FLRT2: variants seen among roughly 807,000 people sequenced by gnomAD.
FLRT2 encodes fibronectin leucine rich transmembrane protein 2.
Under a neutral mutation model 40.0 loss-of-function variants are expected in FLRT2, and 15 were observed. That is an observed-to-expected ratio of 0.38 (90% CI 0.25 to 0.58). The LOEUF is 0.58. Ranked by LOEUF, FLRT2 falls within the 20% of genes least tolerant of loss-of-function variation. FLRT2 has a pLI of 0.71. For synonymous variants in FLRT2, 380 were observed against 336.8 expected, an observed-to-expected ratio of 1.13 and a Z score of -1.41; for missense variants, 726 against 840.0, an observed-to-expected ratio of 0.86 and a Z score of 1.68.
intron 1 of FLRT2, among the ~76,000 whole-genome samples, chr14:85,534,899 A>T (rs75387081): frequency 7.4e-6 from 1 of 134,832 alleles, no homozygotes; most frequent in Non-Finnish European, 1.5e-5. Flanking sequence ...GTTTGCTGCT[A>T]TCTTTATTAT....
In FLRT2 at chr14:85,652,956, A is replaced by G. The variant is rs180685106; in HGVS notation, c.*29459A>G. 6.6e-6 allele frequency: 1 copy of G among 152,296 alleles called. No homozygotes were observed. Among genetic ancestry groups the G allele is most frequent in the Admixed American group, 6.5e-5 (1 of 15,282 alleles). The allele number at this position is 152,296 out of a possible 1,614,324, so 9.4% of individuals were successfully genotyped here. On this transcript the variant is annotated 3_prime_UTR_variant, in exon 2 of 2. Transcript: ENST00000330753. ...CGATTTGTTCGGCTTGGGGAATGTC[A>G]TAGTTCATTCTGTGAGTGGAAGTTG...
At chr14:85,556,754 T>C (rs2139835897) in intron 1 of FLRT2, among the ~76,000 whole-genome samples, 1 of 152,356 alleles carries the variant, frequency 6.6e-6, no homozygotes, top group Middle Eastern at 3.4e-3. Flanking sequence ...ATATACACAA[T>C]AAGTATTAAC....
In FLRT2 at chr14:85,631,394, G is replaced by A. The variant is rs1893869719; in HGVS notation, c.*7897G>A. On this transcript the variant is annotated 3_prime_UTR_variant, in exon 2 of 2. Coordinates refer to ENST00000330753, the MANE Select transcript of FLRT2 (RefSeq NM_013231.6). ...ATATATTGTAATTTTTTGTGAGTCT[G>A]CTTCATGCCTATACAATGGGGCCCC... is the stretch of plus-strand genomic sequence containing the variant. The A allele has an allele frequency of 6.6e-6, 1 of 151,918 alleles. No individual in the cohort carries two copies. Among genetic ancestry groups the A allele is most frequent in the Non-Finnish European group, 1.5e-5 (1 of 67,990 alleles). 9.4% of individuals were successfully genotyped at this position (151,918 alleles called of 1,614,324 possible).
At chr14:85,594,510 C>T (rs962638865) in intron 1 of FLRT2, among the ~76,000 whole-genome samples, 5 of 152,154 alleles carry the variant, frequency 3.3e-5, no homozygotes, top group Non-Finnish European at 7.3e-5. Context: ...AAACCTTGGC[C>T]CTCCACCACA....
chr14:85,601,680 A>G (rs2139334384), intron 1 of FLRT2, among the ~76,000 whole-genome samples: 1 of 152,388 alleles, frequency 6.6e-6, no homozygotes, highest in Non-Finnish European at 1.5e-5. Context: ...CGCTTATAAA[A>G]TGAGACTAAT....
chr14:85,612,582 G>A (rs1892937556), intron 1 of FLRT2, among the ~76,000 whole-genome samples: 4 of 152,166 alleles, frequency 2.6e-5, no homozygotes, highest in Admixed American at 2.6e-4. Flanking sequence ...GAAAGAAGGA[G>A]AGGGTCAAGG....
intron 1 of FLRT2, among the ~76,000 whole-genome samples, chr14:85,592,014 G>A (rs1891907280): frequency 6.6e-6 from 1 of 152,130 alleles, no homozygotes; most frequent in Non-Finnish European, 1.5e-5. Flanking sequence ...ACTCCATGAA[G>A]TTGAAATTAA....
rs899136988 is a variant in FLRT2 at position 85,633,203 on chromosome 14, G to A, written c.*9706G>A. The A allele has an allele frequency of 5.9e-5, 9 of 152,126 alleles. No homozygotes were observed. The highest frequency in any genetic ancestry group is 1.2e-4 in the Non-Finnish European group (8 of 68,010). 9.4% of individuals were successfully genotyped at this position (152,126 alleles called of 1,614,324 possible). A position where few individuals can be genotyped will look rare whatever the true frequency, so the allele number is the denominator to read the frequency against. The stretch of plus-strand genomic sequence containing the variant: ...ATTTGCACAGCTATTATCAAGATGG[G>A]TCTGTCAGAAAGGTTTTCATTATTC... On this transcript the variant is annotated 3_prime_UTR_variant, in exon 2 of 2. Transcript: ENST00000330753.
intron 1 of FLRT2, among the ~76,000 whole-genome samples, chr14:85,583,863 G>A (rs374820257): frequency 4.0e-5 from 6 of 151,876 alleles, no homozygotes; most frequent in Admixed American, 6.6e-5. Flanking sequence ...GCAAAGGTGC[G>A]CCTGTAATCC....
chr14:85,610,136 A>T (rs1892796037), intron 1 of FLRT2, among the ~76,000 whole-genome samples: 3 of 152,116 alleles, frequency 2.0e-5, no homozygotes, highest in Admixed American at 1.3e-4. Flanking sequence ...TCACTTTCTC[A>T]TCAAAGACCT....
At chr14:85,619,115 G>A (rs1484215591) in intron 1 of FLRT2, among the ~76,000 whole-genome samples, 2 of 147,858 alleles carry the variant, frequency 1.4e-5, no homozygotes, top group South Asian at 2.2e-4. Context: ...TTTGAGGCAG[G>A]TTCTTGCTCT....
In FLRT2 at chr14:85,641,896, C is replaced by A. The variant is rs1894158105; in HGVS notation, c.*18399C>A. The stretch of plus-strand genomic sequence containing the variant: ...AGCAGCTGAAATTATTACCTGAGAT[C>A]ACCTGGAATGAAGAGCCTATTAAAG... On this transcript the variant is annotated 3_prime_UTR_variant, in exon 2 of 2. Coordinates refer to ENST00000330753, the MANE Select transcript of FLRT2 (RefSeq NM_013231.6). The A allele has an allele frequency of 6.6e-6, 1 of 151,932 alleles. No homozygotes were observed. The highest frequency in any genetic ancestry group is 2.4e-5 in the African/African-American group (1 of 41,388). 9.4% of individuals were successfully genotyped at this position (151,932 alleles called of 1,614,324 possible). A position where few individuals can be genotyped will look rare whatever the true frequency, so the allele number is the denominator to read the frequency against.
At chr14:85,544,893 T>C (rs1889192686) in intron 1 of FLRT2, among the ~76,000 whole-genome samples, 1 of 152,186 alleles carries the variant, frequency 6.6e-6, no homozygotes, top group South Asian at 2.1e-4. Flanking sequence ...TCCCCTTTTT[T>C]CAGCAAAACT....
At chr14:85,610,913 TGAGACA>T (rs1892828198) in intron 1 of FLRT2, among the ~76,000 whole-genome samples, 1 of 151,406 alleles carries the variant, frequency 6.6e-6, no homozygotes, top group Non-Finnish European at 1.5e-5. Flanking sequence ...GAATTTTTTT[TGAGACA>T]GAGTGTCACT....
intron 1 of FLRT2, among the ~76,000 whole-genome samples, chr14:85,582,733 G>A (rs1356537705): frequency 2.6e-5 from 4 of 151,868 alleles, no homozygotes; most frequent in African/African-American, 4.8e-5. Context: ...CTATCTTATG[G>A]ACTAATATAG....
chr14:85,548,187 C>A (rs918051984), intron 1 of FLRT2, among the ~76,000 whole-genome samples: 1 of 152,210 alleles, frequency 6.6e-6, no homozygotes, highest in African/African-American at 2.4e-5. Flanking sequence ...TTCTGTGAAA[C>A]TTCCATAGAG....
chr14:85,591,763 T>C (rs1595062377), intron 1 of FLRT2, among the ~76,000 whole-genome samples: 1 of 152,302 alleles, frequency 6.6e-6, no homozygotes, highest in Middle Eastern at 3.4e-3. Context: ...TCCATTTATC[T>C]AGGGCGGTAG....
intron 1 of FLRT2, among the ~76,000 whole-genome samples, chr14:85,572,386 GTTAT>G (rs1890932739): frequency 6.6e-6 from 1 of 152,066 alleles, no homozygotes. Flanking sequence ...TTTTGTAGTT[GTTAT>G]TTAACTGTCA....
In FLRT2 at chr14:85,627,071, A is replaced by G. The variant is rs1014960185; in HGVS notation, c.*3574A>G. On this transcript the variant is annotated 3_prime_UTR_variant, in exon 2 of 2. Transcript: ENST00000330753. ...GCAGAGGCCATCGCAGCTTTTGAAA[A>G]GTGAAGGGGTTAATTCCCATTGGTG... 1.2e-5 allele frequency: 2 copies of G among 166,996 alleles called. No homozygotes were observed. The highest frequency in any genetic ancestry group is 4.8e-5 in the African/African-American group (2 of 41,408). The allele number at this position is 166,996 out of a possible 1,614,324, so 10.3% of individuals were successfully genotyped here. A position where few individuals can be genotyped will look rare whatever the true frequency, so the allele number is the denominator to read the frequency against.
Sources: allele counts gnomAD v4.1 joint callset (sites outside exome capture counted in the v4.1 genomes callset), GRCh38; gene constraint gnomAD v4.1.1; transcripts MANE v1.5; gene names NCBI Gene and HGNC (gene_info 2026-07-23, HGNC 2026-07-21).